TMEM132D: variants seen among roughly 807,000 people sequenced by gnomAD.
TMEM132D encodes the protein mature OL transmembrane protein.
TMEM132D carries 21 observed loss-of-function variants against 62.3 expected under a neutral mutation model. The observed-to-expected ratio is 0.34, with a 90% CI of 0.24 to 0.49. The LOEUF is 0.49. Ranked by LOEUF, TMEM132D falls within the 20% of genes least tolerant of loss-of-function variation. The pLI is 0.99. For missense variants in TMEM132D, 1,346 were observed against 1,402.8 expected, an observed-to-expected ratio of 0.96 and a Z score of 0.65; for synonymous variants, 621 against 575.6, an observed-to-expected ratio of 1.08 and a Z score of -1.13.
At chr12:129,270,526 G>A (rs148403955) in intron 4 of TMEM132D, among the ~76,000 whole-genome samples, 9 of 152,176 alleles carry the variant, frequency 5.9e-5, no homozygotes, top group Non-Finnish European at 1.2e-4. Flanking sequence ...CACAAATGCC[G>A]TTTGAATCAC....
At chr12:129,397,568 A>G (rs1325448117) in intron 3 of TMEM132D, among the ~76,000 whole-genome samples, 1 of 152,194 alleles carries the variant, frequency 6.6e-6, no homozygotes, top group Non-Finnish European at 1.5e-5. Flanking sequence ...GAAGACAAGC[A>G]GAGAAAGGAA....
At chr12:129,576,291 A>G (rs1327184987) in intron 2 of TMEM132D, among the ~76,000 whole-genome samples, 1 of 151,868 alleles carries the variant, frequency 6.6e-6, no homozygotes, top group Non-Finnish European at 1.5e-5. Context: ...TTTTCTTACT[A>G]TAACGTTTTA....
chr12:129,134,331 T>G (rs1250365748), intron 5 of TMEM132D, among the ~76,000 whole-genome samples: 2 of 152,212 alleles, frequency 1.3e-5, no homozygotes, highest in East Asian at 3.9e-4. Flanking sequence ...TATCCACTTT[T>G]GGATATGTTT....
intron 7 of TMEM132D, among the ~76,000 whole-genome samples, chr12:129,080,963 T>C (rs958374219): frequency 1.3e-5 from 2 of 152,138 alleles, no homozygotes; most frequent in Non-Finnish European, 2.9e-5. Flanking sequence ...ATCACTTCAC[T>C]TCGTCCTTTA....
At chr12:129,205,724 C>T (rs1223115801) in intron 5 of TMEM132D, among the ~76,000 whole-genome samples, 2 of 152,096 alleles carry the variant, frequency 1.3e-5, no homozygotes, top group Non-Finnish European at 2.9e-5. Flanking sequence ...TTCTTCTCAT[C>T]ACCACGTGGA....
chr12:129,586,989 G>A (rs1337093163), intron 2 of TMEM132D, among the ~76,000 whole-genome samples: 4 of 152,028 alleles, frequency 2.6e-5, no homozygotes, highest in Admixed American at 6.6e-5. Flanking sequence ...GTAGGATATA[G>A]GTGTAAAGGC....
chr12:129,116,999 A>G (rs1875914293), intron 5 of TMEM132D, among the ~76,000 whole-genome samples: 1 of 151,532 alleles, frequency 6.6e-6, no homozygotes, highest in African/African-American at 2.4e-5. Flanking sequence ...AAAAATTGGA[A>G]GCAACCAAGA....
rs185779806 is a variant in TMEM132D, at chr12:129,199,824, G to A, written c.1443+9696C>T. 3.0e-4 allele frequency among the ~76,000 whole-genome samples: 46 copies of A among 152,142 alleles called. No individual in the cohort carries two copies. The East Asian group carries it at 4.6e-3, about 15-fold the overall frequency. On this transcript the variant is annotated intron_variant, in intron 5 of 8. Coordinates refer to ENST00000422113, the MANE Select transcript of TMEM132D (RefSeq NM_133448.3). ...CATGAGAACAGCATGGGAAAGACCC[G>A]CCCCCACGTTTCAATTACCTCCCAC...
At chr12:129,460,317 CCACACAT>C (rs1366429153) in intron 3 of TMEM132D, among the ~76,000 whole-genome samples, 17 of 152,248 alleles carry the variant, frequency 1.1e-4, no homozygotes, top group African/African-American at 3.9e-4. Flanking sequence ...TTGAGAACTG[CCACACAT>C]CTCCTCAATT....
intron 2 of TMEM132D, among the ~76,000 whole-genome samples, chr12:129,625,439 C>T (rs188564363): frequency 2.0e-4 from 30 of 152,296 alleles, no homozygotes; most frequent in Admixed American, 1.6e-3. Context: ...GGTTTGTTTT[C>T]ATCATTTCCA....
At chr12:129,496,026 C>T (rs1874944714) in intron 3 of TMEM132D, among the ~76,000 whole-genome samples, 2 of 152,228 alleles carry the variant, frequency 1.3e-5, no homozygotes, top group African/African-American at 4.8e-5. Flanking sequence ...AACCTCGCAC[C>T]CTTTTTTGTG....
chr12:129,652,482 T>C (rs1353921333), intron 2 of TMEM132D, among the ~76,000 whole-genome samples: 2 of 152,154 alleles, frequency 1.3e-5, no homozygotes, highest in African/African-American at 4.8e-5. Context: ...AAAGAGATCA[T>C]CTTGGATTTT....
intron 2 of TMEM132D, among the ~76,000 whole-genome samples, chr12:129,679,091 T>C (rs1459680465): frequency 6.6e-6 from 1 of 151,944 alleles, no homozygotes; most frequent in Non-Finnish European, 1.5e-5. Context: ...GATCTTCATA[T>C]AAATTTAAAA....
intron 2 of TMEM132D, among the ~76,000 whole-genome samples, chr12:129,652,924 C>T (rs1159588308): frequency 2.0e-5 from 3 of 152,210 alleles, no homozygotes; most frequent in African/African-American, 4.8e-5. Flanking sequence ...CACCACATCC[C>T]ACCCACTGTC....
rs73420197 is a variant in TMEM132D, at chr12:129,273,563, G to A, written c.1300-63900C>T. Among the ~76,000 whole-genome samples, 424 of 151,762 alleles carry A rather than the reference G, an allele frequency of 2.8e-3. 16 individuals carry two copies. Among genetic ancestry groups the A allele is most frequent in the African/African-American group, 9.7e-3 (397 of 41,132 alleles). ...TGGATAAAGAAAATGTGGTCCATACGCACAATGGAATATTATGCAGCCATA... is the reference window on the plus strand; with the variant it reads ...TGGATAAAGAAAATGTGGTCCATACACACAATGGAATATTATGCAGCCATA... On this transcript the variant is annotated intron_variant, in intron 4 of 8. Transcript: ENST00000422113.
chr12:129,200,985 AGCTTTATACACCT>A (rs1442625634), intron 5 of TMEM132D, among the ~76,000 whole-genome samples: 5 of 152,218 alleles, frequency 3.3e-5, no homozygotes, highest in Non-Finnish European at 7.3e-5. Context: ...GAATGTGTCA[AGCTTTATACACCT>A]GATTTCCACT....
At chr12:129,578,436 A>G (rs367976225) in intron 2 of TMEM132D, among the ~76,000 whole-genome samples, 15 of 77,586 alleles carry the variant, frequency 1.9e-4, no homozygotes, top group Non-Finnish European at 7.7e-5. Flanking sequence ...ATATATATAT[A>G]TGTATGTATA....
chr12:129,091,361 ACC>A (rs1221904567), intron 5 of TMEM132D, among the ~76,000 whole-genome samples: 1 of 148,778 alleles, frequency 6.7e-6, no homozygotes. Context: ...GGCTCTGGGG[ACC>A]CTTCCTAAGC....
At chr12:129,079,552 G>A (rs1210105193) in intron 7 of TMEM132D, among the ~76,000 whole-genome samples, 1 of 152,106 alleles carries the variant, frequency 6.6e-6, no homozygotes, top group Non-Finnish European at 1.5e-5. Flanking sequence ...TCACAGCCCC[G>A]TATAACAACC....
Sources: gnomAD v4.1 joint callset for allele counts (sites outside exome capture counted in the v4.1 genomes callset) on GRCh38, gnomAD v4.1.1 for gene constraint, MANE v1.5 for transcripts, NCBI Gene and HGNC (gene_info 2026-07-23, HGNC 2026-07-21) for gene names.